Variants in GAB3 observed in about 807,000 individuals in gnomAD.
The protein encoded by GAB3 is GRB2-associated-binding protein 3.
Under a neutral mutation model 40.4 loss-of-function variants are expected in GAB3, and 12 were observed. The ratio of observed to expected loss-of-function variants is 0.30; its 90% confidence interval spans 0.19 to 0.48. The LOEUF (loss-of-function observed/expected upper bound fraction) is 0.48, where lower values mean the gene tolerates loss of function less well. Ranked by LOEUF, GAB3 falls within the 20% of genes least tolerant of loss-of-function variation. The pLI, the probability that GAB3 is intolerant of heterozygous loss-of-function variation, is 0.99. For synonymous variants in GAB3, 154 were observed against 176.7 expected (o/e 0.87, Z 1.02); for missense variants, 381 against 461.9 (o/e 0.82, Z 1.61).
chrX:154,715,428 CAG>C lies in GAB3; in HGVS notation c.376+596_376+597del, dbSNP rs202010747. Among the ~76,000 whole-genome samples the C allele has an allele frequency of 6.2e-3, 628 of 101,278 alleles. 1 individual carries two copies. The highest frequency in any genetic ancestry group is 4.8e-3 in the Non-Finnish European group (235 of 49,370). The allele number at this position is 101,278 out of a possible 115,157, so 87.9% of individuals were successfully genotyped here. ...TGCGTGTGTGCGTGTGTGCGTGTGGCAGAGAGAGAGAGAGAGAGAGAGAGAGA... is the reference window on the plus strand; with the variant it reads ...TGCGTGTGTGCGTGTGTGCGTGTGGCAGAGAGAGAGAGAGAGAGAGAGAGA... On this transcript the variant is annotated intron_variant, in intron 2 of 9. Coordinates refer to ENST00000424127, the MANE Select transcript of GAB3 (RefSeq NM_001081573.3).
intron 8 of GAB3, among the ~76,000 whole-genome samples, chrX:154,684,373 A>C (rs782320634): frequency 5.7e-4 from 64 of 111,657 alleles, no homozygotes; most frequent in Non-Finnish European, 9.8e-4. Context: ...TAATAGGTAC[A>C]TAAACATTCA....
intron 8 of GAB3, among the ~76,000 whole-genome samples, chrX:154,683,424 T>C (rs1247304533): frequency 1.8e-5 from 2 of 112,174 alleles, no homozygotes; most frequent in Non-Finnish European, 3.8e-5. Flanking sequence ...GTCAAATATG[T>C]CTAGTATCCC....
chrX:154,707,951 T>G (rs1404349130), intron 4 of GAB3, among the ~76,000 whole-genome samples: 1 of 111,709 alleles, frequency 9.0e-6, no homozygotes, highest in Non-Finnish European at 1.9e-5. Context: ...TATGTAAAAT[T>G]TCTACACTAA....
chrX:154,731,866 C>T (rs1373303934), intron 1 of GAB3, among the ~76,000 whole-genome samples: 2 of 112,375 alleles, frequency 1.8e-5, no homozygotes, highest in Admixed American at 9.4e-5. Flanking sequence ...AATCATTTGA[C>T]GCTCACACAG....
chrX:154,715,052 A>C (rs1557257324), intron 2 of GAB3, among the ~76,000 whole-genome samples: 2 of 112,496 alleles, frequency 1.8e-5, no homozygotes, highest in African/African-American at 6.5e-5. Context: ...TGAAACGAAA[A>C]GGAATGTGTT....
intron 4 of GAB3, among the ~76,000 whole-genome samples, chrX:154,710,507 TTCA>T (rs2070924914): frequency 9.0e-6 from 1 of 111,707 alleles, no homozygotes; most frequent in African/African-American, 3.3e-5. Flanking sequence ...ACATGGGCAC[TTCA>T]TCTATGGCAG....
At chrX:154,735,215 A>G (rs1281387395) in intron 1 of GAB3, among the ~76,000 whole-genome samples, 1 of 112,025 alleles carries the variant, frequency 8.9e-6, no homozygotes, top group Non-Finnish European at 1.9e-5. Context: ...AAAGAAACTA[A>G]ATATCTATCA....
chrX:154,746,926 A>G (rs2071537519), intron 1 of GAB3, among the ~76,000 whole-genome samples: 1 of 113,165 alleles, frequency 8.8e-6, no homozygotes, highest in South Asian at 3.6e-4. Context: ...GTCATTAGTC[A>G]TTAAACAGCA....
At chrX:154,719,394 A>G (rs1193781164) in intron 1 of GAB3, among the ~76,000 whole-genome samples, 1 of 112,167 alleles carries the variant, frequency 8.9e-6, no homozygotes, top group Admixed American at 9.4e-5. Flanking sequence ...GGAACAAACA[A>G]AAGAGACATC....
At chrX:154,739,229 A>G (rs2071403732) in intron 1 of GAB3, among the ~76,000 whole-genome samples, 1 of 112,035 alleles carries the variant, frequency 8.9e-6, no homozygotes, top group African/African-American at 3.2e-5. Context: ...CATTAACAGA[A>G]GCTGCTTTTA....
chrX:154,741,675 C>CAAA (rs1206111123), intron 1 of GAB3, among the ~76,000 whole-genome samples: 1 of 26,496 alleles, frequency 3.8e-5, no homozygotes, highest in African/African-American at 1.4e-4. Flanking sequence ...GACTCCATCT[C>CAAA]AAAAAAAAAA....
At chrX:154,733,802 T>C (rs182913440) in intron 1 of GAB3, among the ~76,000 whole-genome samples, 4 of 112,376 alleles carry the variant, frequency 3.6e-5, no homozygotes, top group Admixed American at 2.8e-4. Context: ...TTCTTTTTTG[T>C]ACCGTAAGCT....
chrX:154,747,611 C>T (rs1157310632), intron 1 of GAB3, among the ~76,000 whole-genome samples: 3 of 111,586 alleles, frequency 2.7e-5, no homozygotes, highest in Admixed American at 9.5e-5. Context: ...GACCAGCCTG[C>T]GGGCAACATG....
At chrX:154,732,219 G>A (rs2071301568) in intron 1 of GAB3, among the ~76,000 whole-genome samples, 1 of 111,939 alleles carries the variant, frequency 8.9e-6, no homozygotes, top group African/African-American at 3.3e-5. Flanking sequence ...AGGTCTAGGA[G>A]AGGAGAAAAA....
chrX:154,694,628 T>C (rs923072595), intron 8 of GAB3, among the ~76,000 whole-genome samples: 8 of 111,477 alleles, frequency 7.2e-5, no homozygotes, highest in East Asian at 2.8e-4. Context: ...CTCCTGACCT[T>C]GTGATCCGCC....
intron 1 of GAB3, among the ~76,000 whole-genome samples, chrX:154,726,960 CTCT>C (rs1285819761): frequency 8.9e-6 from 1 of 111,962 alleles, no homozygotes; most frequent in Admixed American, 9.4e-5. Context: ...TTGAAATAGC[CTCT>C]TGTCTTCCCA....
chrX:154,747,396 C>T (rs1386049180), intron 1 of GAB3, among the ~76,000 whole-genome samples: 2 of 112,513 alleles, frequency 1.8e-5, no homozygotes, highest in Admixed American at 9.4e-5. Context: ...CAAATGAAAT[C>T]GGTATGCAAG....
chrX:154,733,058 A>G (rs957786795), intron 1 of GAB3, among the ~76,000 whole-genome samples: 1 of 112,221 alleles, frequency 8.9e-6, no homozygotes, highest in African/African-American at 3.2e-5. Context: ...TAGAAGGAAG[A>G]ACTCTTTATT....
intron 1 of GAB3, among the ~76,000 whole-genome samples, chrX:154,725,652 T>C (rs2148472633): frequency 9.1e-6 from 1 of 109,986 alleles, no homozygotes; most frequent in African/African-American, 3.3e-5. Context: ...CATAGGTGTT[T>C]CCCCATGAGA....
Sources: gnomAD v4.1 joint callset for allele counts (sites outside exome capture counted in the v4.1 genomes callset) on GRCh38, gnomAD v4.1.1 for gene constraint, MANE v1.5 for transcripts, NCBI Gene and HGNC (gene_info 2026-07-23, HGNC 2026-07-21) for gene names.